ADSS2: variants seen among roughly 807,000 people sequenced by gnomAD.
ADSS2 encodes adenylosuccinate synthetase isozyme 2.
Under a neutral mutation model 60.0 loss-of-function variants are expected in ADSS2, and 30 were observed. The ratio of observed to expected loss-of-function variants is 0.50; its 90% CI spans 0.37 to 0.68. The LOEUF (loss-of-function observed/expected upper bound fraction) is 0.68, where lower values mean the gene tolerates loss of function less well. Among genes scored for constraint, ADSS2 ranks in the 30% least tolerant of loss-of-function variants. The pLI, the probability that ADSS2 is intolerant of heterozygous loss-of-function variation, is 0.00. For synonymous variants in ADSS2, 187 were observed against 193.1 expected (o/e 0.97, Z 0.26); for missense variants, 373 against 554.8 (o/e 0.67, Z 3.29).
chr1:244,426,545 A>G (rs1664807532), intron 4 of ADSS2, among the ~76,000 whole-genome samples: 1 of 152,218 alleles, frequency 6.6e-6, no homozygotes, highest in African/African-American at 2.4e-5. Context: ...CTGCAAACAA[A>G]AAAAACCATC....
chr1:244,409,561 G>C lies in ADSS2; in HGVS notation c.*25C>G, dbSNP rs142770938. 6.4e-7 allele frequency: 1 copy of C among 1,571,682 alleles called. No homozygotes were observed. Among genetic ancestry groups the C allele is most frequent in the Non-Finnish European group, 8.7e-7 (1 of 1,143,162 alleles). On this transcript the variant is annotated 3_prime_UTR_variant, in exon 13 of 13. Coordinates refer to ENST00000366535, the MANE Select transcript of ADSS2 (RefSeq NM_001126.5). ...AGTCTTTTCCCCTCCCTCTCAAGGA[G>C]TGTTTCTTGCATTACTGGCAATCAT...
chr1:244,422,093 T>C (rs1040336520), intron 7 of ADSS2, among the ~76,000 whole-genome samples: 2 of 152,232 alleles, frequency 1.3e-5, no homozygotes, highest in Non-Finnish European at 2.9e-5. Flanking sequence ...ATGTTCTTTG[T>C]AGGTCATATT....
intron 8 of ADSS2, among the ~76,000 whole-genome samples, chr1:244,419,856 T>C (rs1305565482): frequency 1.3e-5 from 2 of 152,210 alleles, no homozygotes; most frequent in African/African-American, 4.8e-5. Flanking sequence ...GATTCTTCCA[T>C]AGAATTTATC....
chr1:244,420,148 C>G (rs368841454), intron 8 of ADSS2, 22 bp downstream of exon 8: 15 of 1,609,428 alleles, frequency 9.3e-6, no homozygotes, highest in Non-Finnish European at 1.2e-5. Flanking sequence ...GCTCCCTTAA[C>G]TATAAGTCAT....
chr1:244,413,032 G>C (rs1000476776), intron 11 of ADSS2, among the ~76,000 whole-genome samples: 1 of 152,262 alleles, frequency 6.6e-6, no homozygotes, highest in African/African-American at 2.4e-5. Flanking sequence ...GGCCTACTAA[G>C]GAAGGAAAGG....
intron 3 of ADSS2, among the ~76,000 whole-genome samples, chr1:244,434,713 G>C (rs1036853244): frequency 2.6e-5 from 4 of 152,106 alleles, no homozygotes; most frequent in African/African-American, 9.7e-5. Context: ...AAGGAAAAAG[G>C]GAGTAGGACA....
At chr1:244,437,866 AAC>A in intron 1 of ADSS2, 98 bp from the exon 2 acceptor site, 1 of 902,782 alleles carries the variant, frequency 1.1e-6, no homozygotes, top group Non-Finnish European at 1.8e-6. Context: ...CCAAAAGGTC[AAC>A]TTAAGAGAGC....
At position 244,420,268 on chromosome 1, in the gene ADSS2, A is replaced by C; in HGVS notation, c.692T>G (p.Val231Gly). 6.2e-7 allele frequency: 1 copy of C among 1,613,270 alleles called. No homozygotes were observed. Among genetic ancestry groups the C allele is most frequent in the South Asian group, 1.1e-5 (1 of 91,036 alleles). ...ATATAGAAAATAAACTCCATCTCTC[A>C]CCATTGGTTTAATCTTTTCCATATA... ...KGYMEKIKPM[V>G]RDGVYFLYEA... The change falls in exon 8 of 13, where the codon GTG (valine) becomes GGG (glycine). Residue 231 changes from valine (V) to glycine (G), a missense_variant. Coordinates refer to ENST00000366535, the MANE Select transcript of ADSS2 (RefSeq NM_001126.5).
chr1:244,416,348 C>G (rs984946362), intron 10 of ADSS2, among the ~76,000 whole-genome samples: 1 of 152,188 alleles, frequency 6.6e-6, no homozygotes, highest in Non-Finnish European at 1.5e-5. Context: ...GACAGGGTCT[C>G]GCTTTGTCAC....
intron 6 of ADSS2, among the ~76,000 whole-genome samples, chr1:244,423,478 C>A (rs1664721017): frequency 6.6e-6 from 1 of 152,174 alleles, no homozygotes; most frequent in African/African-American, 2.4e-5. Context: ...CCAAGGAGAT[C>A]TGGCTACAGA....
chr1:244,450,037 C>G (rs1665494365), intron 1 of ADSS2, among the ~76,000 whole-genome samples: 1 of 152,242 alleles, frequency 6.6e-6, no homozygotes, highest in African/African-American at 2.4e-5. Flanking sequence ...TAGTGTAGCT[C>G]AACCTGAGCT....
chr1:244,447,508 A>T (rs1404718135), intron 1 of ADSS2, among the ~76,000 whole-genome samples: 2 of 152,196 alleles, frequency 1.3e-5, no homozygotes, highest in Non-Finnish European at 2.9e-5. Flanking sequence ...ATCCTCATTG[A>T]CCGAACATTG....
chr1:244,417,895 G>C, intron 9 of ADSS2, 143 bp from the exon 10 acceptor site: 1 of 728,932 alleles, frequency 1.4e-6, no homozygotes, highest in Non-Finnish European at 2.1e-6. Context: ...GAATTCCACA[G>C]AGATGATGAA....
intron 7 of ADSS2, among the ~76,000 whole-genome samples, chr1:244,420,936 C>G (rs899993439): frequency 1.3e-5 from 2 of 152,110 alleles, no homozygotes; most frequent in African/African-American, 2.4e-5. Flanking sequence ...ATCCTCCCAC[C>G]TCAGCCTCCA....
intron 3 of ADSS2, 60 bp from the exon 4 acceptor site, chr1:244,432,655 A>AT: frequency 1.2e-6 from 1 of 801,446 alleles, no homozygotes; most frequent in Non-Finnish European, 1.9e-6. Flanking sequence ...TTAAAATCTT[A>AT]ATTTCTTTTT....
rs151145475 is a variant in ADSS2, at chr1:244,418,884, C to G, written c.821G>C (p.Cys274Ser). 3.1e-6 allele frequency: 5 copies of G among 1,611,942 alleles called. No individual in the cohort carries two copies. The African/African-American group carries it at 6.7e-5, about 22-fold the overall frequency. Residue 274 changes from cysteine to serine, a missense_variant, in exon 9 of 13, where the codon TGT becomes TCT. By Grantham distance (112) the Cys-to-Ser change is moderately radical. Transcript: ENST00000366535. The part of the protein sequence containing the change: ...GTYPFVTSSN[C>S]TVGGVCTGLG... ...ACCAGTACAAACACCTCCAACAGTA[C>G]AATTTGAAGAGGTTACAAAAGGGTA... is the stretch of plus-strand genomic sequence containing the variant.
chr1:244,416,205 T>C (rs1664528582), intron 10 of ADSS2, 127 bp from the exon 11 acceptor site: 1 of 649,566 alleles, frequency 1.5e-6, no homozygotes, highest in Non-Finnish European at 2.7e-6. Flanking sequence ...TTCTGAAAAC[T>C]GGTTAGGATT....
At chr1:244,422,781 C>T (rs1276735970) in intron 7 of ADSS2, 54 bp downstream of exon 7, 8 of 1,357,450 alleles carry the variant, frequency 5.9e-6, no homozygotes, top group Non-Finnish European at 7.3e-6. Flanking sequence ...GATCTAGATG[C>T]CAATTTGGCA....
intron 4 of ADSS2, among the ~76,000 whole-genome samples, chr1:244,426,827 G>C (rs773875623): frequency 5.3e-5 from 8 of 152,002 alleles, no homozygotes; most frequent in Non-Finnish European, 1.2e-4. Flanking sequence ...TCCTTTCTCT[G>C]AGTTACTATT....
Sources: allele counts gnomAD v4.1 joint callset (sites outside exome capture counted in the v4.1 genomes callset), GRCh38; gene constraint gnomAD v4.1.1; transcripts MANE v1.5; gene names NCBI Gene and HGNC (gene_info 2026-07-23, HGNC 2026-07-21).